Variants in NWD2 observed in about 807,000 individuals in gnomAD.
The protein encoded by NWD2 is NACHT and WD repeat domain containing 2.
A neutral mutation model predicts 132.7 loss-of-function variants in NWD2; 37 were observed. The ratio of observed to expected loss-of-function variants is 0.28; its 90% CI spans 0.21 to 0.37. The LOEUF is 0.37. Among genes scored for constraint, NWD2 ranks in the 10% least tolerant of loss-of-function variants. The pLI, the probability that NWD2 is intolerant of heterozygous loss-of-function variation, is 1.00. For missense variants in NWD2, 1,592 were observed against 2,122.4 expected, an observed-to-expected ratio of 0.75 and a Z score of 4.91; for synonymous variants, 705 against 803.0, an observed-to-expected ratio of 0.88 and a Z score of 2.06.
intron 5 of NWD2, 104 bp downstream of exon 5, chr4:37,434,124 T>G (rs1372477308): frequency 1.5e-6 from 1 of 663,976 alleles, no homozygotes; most frequent in Non-Finnish European, 2.3e-6. Flanking sequence ...TACTGCCTGG[T>G]GAAATTTAAT....
chr4:37,314,055 A>G (rs942389009), intron 1 of NWD2, among the ~76,000 whole-genome samples: 9 of 152,126 alleles, frequency 5.9e-5, no homozygotes, highest in Admixed American at 1.3e-4. Context: ...TTCTGCGTCT[A>G]TTGAGCAGTC....
At position 37,384,815 on chromosome 4, in the gene NWD2, A is replaced by G. The variant is rs907665967; in HGVS notation, c.357+28333A>G. ...CAACTACAGCCCTACCTACATACCAATATCTTCTTGCCTGCATAAAAATAG... is the reference window on the plus strand; with the variant it reads ...CAACTACAGCCCTACCTACATACCAGTATCTTCTTGCCTGCATAAAAATAG... On this transcript the variant is annotated intron_variant, in intron 3 of 6. Coordinates refer to ENST00000309447, the MANE Select transcript of NWD2 (RefSeq NM_001144990.2). Among the ~76,000 whole-genome samples the G allele has an allele frequency of 7.2e-5, 11 of 152,238 alleles. No individual in the cohort carries two copies. The East Asian group carries it at 1.5e-3, about 21-fold the overall frequency.
In NWD2 at chr4:37,433,971, C is replaced by T. The variant is rs183200253; in HGVS notation, c.657C>T (p.His219=). The T allele has an allele frequency of 2.2e-3, 3,441 of 1,550,300 alleles. 4 individuals are homozygous for T. Among genetic ancestry groups the T allele is most frequent in the Non-Finnish European group, 2.8e-3 (3,221 of 1,146,084 alleles). Residue 219 remains histidine (H), a synonymous_variant, in exon 5 of 7, where the codon CAC becomes CAT. Transcript: ENST00000309447. The part of the protein sequence containing the change: ...KIFKAAVKLL[H]EKGKMKHSQA... Reference sequence around the variant, plus strand: ...TTAAGGCTGCTGTAAAGCTGTTACACGAAAAGGGTAAAATGAAACACAGCC... The same window carrying T: ...TTAAGGCTGCTGTAAAGCTGTTACATGAAAAGGGTAAAATGAAACACAGCC...
At chr4:37,367,941 G>A (rs1720134419) in intron 3 of NWD2, among the ~76,000 whole-genome samples, 1 of 152,090 alleles carries the variant, frequency 6.6e-6, no homozygotes, top group Non-Finnish European at 1.5e-5. Flanking sequence ...TTAACTGGAA[G>A]CTATAATGAA....
intron 2 of NWD2, among the ~76,000 whole-genome samples, chr4:37,339,056 A>G (rs1719468311): frequency 6.6e-6 from 1 of 152,184 alleles, no homozygotes; most frequent in South Asian, 2.1e-4. Flanking sequence ...GTTTAGTCAC[A>G]CATCATTTCA....
intron 1 of NWD2, among the ~76,000 whole-genome samples, chr4:37,292,952 C>T (rs989580592): frequency 3.3e-5 from 5 of 152,160 alleles, no homozygotes; most frequent in South Asian, 2.1e-4. Context: ...TAACAGGCCA[C>T]GGACCAGTAC....
chr4:37,328,519 T>G (rs1304893527), intron 2 of NWD2, among the ~76,000 whole-genome samples: 2 of 152,148 alleles, frequency 1.3e-5, no homozygotes, highest in African/African-American at 4.8e-5. Flanking sequence ...CCTGTGTTAG[T>G]TTGCTGAGAA....
At chr4:37,421,760 A>G (rs1175374508) in intron 3 of NWD2, among the ~76,000 whole-genome samples, 1 of 152,228 alleles carries the variant, frequency 6.6e-6, no homozygotes, top group Non-Finnish European at 1.5e-5. Flanking sequence ...TGACAAAATC[A>G]CATTCATTTT....
At chr4:37,281,687 T>A (rs767782813) in intron 1 of NWD2, among the ~76,000 whole-genome samples, 1 of 152,140 alleles carries the variant, frequency 6.6e-6, no homozygotes, top group Non-Finnish European at 1.5e-5. Context: ...GGTCACACCA[T>A]AAGTAAGTCG....
chr4:37,315,054 A>AT (rs1353539964), intron 1 of NWD2, among the ~76,000 whole-genome samples: 4 of 152,172 alleles, frequency 2.6e-5, no homozygotes, highest in East Asian at 3.8e-4. Flanking sequence ...ATATTAGTGT[A>AT]TTAGAAGTAT....
intron 3 of NWD2, among the ~76,000 whole-genome samples, chr4:37,406,725 C>T (rs954170205): frequency 3.3e-5 from 5 of 151,924 alleles, no homozygotes; most frequent in Admixed American, 6.6e-5. Context: ...TGGGAAAACC[C>T]GTCTCTACTA....
At chr4:37,295,022 C>A (rs1310010045) in intron 1 of NWD2, among the ~76,000 whole-genome samples, 1 of 152,128 alleles carries the variant, frequency 6.6e-6, no homozygotes, top group Non-Finnish European at 1.5e-5. Context: ...AGAAAAGGAG[C>A]AGGCAGGGGA....
At position 37,439,344 on chromosome 4, in the gene NWD2, G is replaced by T; in HGVS notation, c.1250G>T (p.Gly417Val). 6.5e-7 allele frequency: 1 copy of T among 1,527,380 alleles called. No individual in the cohort carries two copies. Among genetic ancestry groups the T allele is most frequent in the South Asian group, 1.3e-5 (1 of 79,810 alleles). 94.6% of individuals were successfully genotyped at this position (1,527,380 alleles called of 1,614,324 possible). Reference protein sequence around the residue: ...GHINPLIIYGGPCTGKTLLLA... With the variant: ...GHINPLIIYGVPCTGKTLLLA... ...ATCAACCCTCTTATTATATATGGTG[G>T]GCCATGCACTGGGAAGACCCTTCTG... Residue 417 changes from glycine (G) to valine (V), a missense_variant, in exon 6 of 7, where the codon GGG (glycine) becomes GTG (valine). By Grantham distance (109) the Gly-to-Val change is moderately radical (BLOSUM62 -3). Coordinates refer to ENST00000309447, the MANE Select transcript of NWD2 (RefSeq NM_001144990.2). This position sits in a 1 kb window ranked among gnomAD's most constrained non-coding sequence, Gnocchi z 4.5.
intron 2 of NWD2, among the ~76,000 whole-genome samples, chr4:37,344,443 A>G (rs1330460629): frequency 6.6e-6 from 1 of 152,146 alleles, no homozygotes; most frequent in Non-Finnish European, 1.5e-5. Context: ...AAGTTACTGA[A>G]GTAAGAAGAC....
chr4:37,382,121 C>G (rs1720465938), intron 3 of NWD2, among the ~76,000 whole-genome samples: 1 of 152,136 alleles, frequency 6.6e-6, no homozygotes, highest in African/African-American at 2.4e-5. Context: ...ATGTAGAAAA[C>G]AAGTTAGCCC....
chr4:37,306,410 GTTGTTT>G (rs762630761), intron 1 of NWD2, among the ~76,000 whole-genome samples: 11 of 151,890 alleles, frequency 7.2e-5, no homozygotes, highest in Admixed American at 1.3e-4. Context: ...ACAACATGAG[GTTGTTT>G]ATTTGAAATA....
At chr4:37,379,699 G>T (rs73242347) in intron 3 of NWD2, among the ~76,000 whole-genome samples, 16,270 of 152,054 alleles carry the variant, frequency 0.11, 890 homozygotes, top group Middle Eastern at 0.14. Flanking sequence ...TCTCAGGGAG[G>T]TTTTGTTTTT....
rs1712675832 is a variant in NWD2, at chr4:37,447,716, G to A, written c.*499G>A. On this transcript the variant is annotated 3_prime_UTR_variant, in exon 7 of 7. Transcript: ENST00000309447. ...CTAGTCTGCAGTGAACGGTCTAAAGGTGCAAAATATGTAACAAAAATACCC... is the reference window on the plus strand; with the variant it reads ...CTAGTCTGCAGTGAACGGTCTAAAGATGCAAAATATGTAACAAAAATACCC... 6.4e-6 allele frequency: 1 copy of A among 156,324 alleles called. No homozygotes were observed. The highest frequency in any genetic ancestry group is 1.9e-4 in the South Asian group (1 of 5,156). The allele number at this position is 156,324 out of a possible 1,614,324, so 9.7% of individuals were successfully genotyped here. A position where few individuals can be genotyped will look rare whatever the true frequency, so the allele number is the denominator to read the frequency against.
At position 37,381,157 on chromosome 4, in the gene NWD2, G is replaced by A. The variant is rs533161533; in HGVS notation, c.357+24675G>A. 2.0e-5 allele frequency among the ~76,000 whole-genome samples: 3 copies of A among 152,224 alleles called. No individual in the cohort carries two copies. The South Asian group carries it at 6.2e-4, about 32-fold the overall frequency. ...CCAAGAAGCCTGAAATGTGCCCTGT[G>A]GAGGATTTGAGCTGAATTCCAGCAC... On this transcript the variant is annotated intron_variant, in intron 3 of 6. Transcript: ENST00000309447.
Sources: gnomAD v4.1 joint callset for allele counts (sites outside exome capture counted in the v4.1 genomes callset) on GRCh38, gnomAD v4.1.1 for gene constraint, Gnocchi (gnomAD v3.1) non-coding constraint, MANE v1.5 for transcripts, NCBI Gene and HGNC (gene_info 2026-07-23, HGNC 2026-07-21) for gene names.